The following TPX2 variants were observed in gnomAD, a reference collection of about 807,000 sequenced individuals.
The protein encoded by TPX2 is TPX2 microtubule nucleation factor, also known as targeting protein for Xklp2.
TPX2 carries 21 observed loss-of-function variants against 93.6 expected under a neutral mutation model. The ratio of observed to expected loss-of-function variants is 0.22; its 90% CI spans 0.16 to 0.32. The LOEUF is 0.32. Among genes scored for constraint, TPX2 ranks in the 10% least tolerant of loss-of-function variants. The probability of loss-of-function intolerance (pLI) is 1.00; values close to 1 mark genes in which losing one functional copy is unlikely to be tolerated. For missense variants in TPX2, 776 were observed against 871.1 expected (o/e 0.89, Z 1.37); for synonymous variants, 281 against 298.3 (o/e 0.94, Z 0.60).
At chr20:31,758,196 C>T (rs1218032478) in intron 3 of TPX2, among the ~76,000 whole-genome samples, 1 of 150,504 alleles carries the variant, frequency 6.6e-6, no homozygotes, top group African/African-American at 2.5e-5. Context: ...AATCTCAGCT[C>T]ACTGTAACCT....
intron 5 of TPX2, among the ~76,000 whole-genome samples, chr20:31,767,938 T>C (rs1406606798): frequency 1.3e-5 from 2 of 149,106 alleles, no homozygotes; most frequent in African/African-American, 4.9e-5. Context: ...ATTTCATCTT[T>C]TTTTTTTTTT....
rs1322289174 is a variant in TPX2, at chr20:31,801,036, A to G, written c.2200A>G (p.Thr734Ala). The G allele has an allele frequency of 3.1e-6, 5 of 1,614,084 alleles. No homozygotes were observed. Among genetic ancestry groups the G allele is most frequent in the East Asian group, 2.2e-5 (1 of 44,898 alleles). The change falls in exon 18 of 18, where the codon ACT (threonine) becomes GCT (alanine). Residue 734 changes from threonine (T) to alanine (A), a missense_variant. Around this residue, in one of 3 missense-constraint regions of TPX2, gnomAD observed 461 missense variants for 551.2 expected, o/e 0.84. Transcript: ENST00000300403. ...LEIKSSDQPL[T>A]VPVSPKFSTR... ...GATAAAGTCAAGTGACCAGCCTCTGACTGTGCCTGTATCTCCCAAATTCTC... is the reference window on the plus strand; with the variant it reads ...GATAAAGTCAAGTGACCAGCCTCTGGCTGTGCCTGTATCTCCCAAATTCTC...
chr20:31,780,891 T>G, intron 10 of TPX2: 1 of 382,724 alleles, frequency 2.6e-6, no homozygotes, highest in South Asian at 1.9e-5. Flanking sequence ...TTGGTCTTCT[T>G]TTGTTATTTA....
At chr20:31,786,326 TA>T (rs1052661524) in intron 12 of TPX2, among the ~76,000 whole-genome samples, 155 of 138,400 alleles carry the variant, frequency 1.1e-3, no homozygotes, top group Non-Finnish European at 1.1e-3. Flanking sequence ...TGTGCTTATT[TA>T]AAAAAAAAAA....
chr20:31,783,607 C>G, intron 11 of TPX2, 98 bp from the exon 12 acceptor site: 4 of 1,182,108 alleles, frequency 3.4e-6, no homozygotes, highest in Non-Finnish European at 4.8e-6. Context: ...GGAGCATAAT[C>G]TTAATGATTA....
chr20:31,775,723 G>A lies in TPX2; in HGVS notation c.609-144G>A, dbSNP rs949136285. 3.1e-5 allele frequency: 23 copies of A among 732,856 alleles called. 1 individual carries two copies. The African/African-American group carries it at 4.1e-4, about 13-fold the overall frequency. 45.4% of individuals were successfully genotyped at this position (732,856 alleles called of 1,614,324 possible). ...TTCATGGTGTTATCTAATTAAGTTA[G>A]CATCTATTTATTAGATGATATTTTT... is the stretch of plus-strand genomic sequence containing the variant. On this transcript the variant is annotated intron_variant, in intron 7 of 17. Coordinates refer to ENST00000300403, the MANE Select transcript of TPX2 (RefSeq NM_012112.5).
intron 2 of TPX2, among the ~76,000 whole-genome samples, chr20:31,750,415 A>G (rs1467244649): frequency 6.6e-6 from 1 of 151,940 alleles, no homozygotes. Context: ...TGGCCTCCCA[A>G]AGTGCTGGGA....
At chr20:31,754,898 G>GTA (rs1568922608) in intron 2 of TPX2, among the ~76,000 whole-genome samples, 2 of 152,034 alleles carry the variant, frequency 1.3e-5, no homozygotes, top group Admixed American at 1.3e-4. Flanking sequence ...ATAATAGTTT[G>GTA]TATATATATG....
intron 11 of TPX2, among the ~76,000 whole-genome samples, chr20:31,783,474 C>T (rs1020832128): frequency 2.0e-5 from 3 of 152,134 alleles, no homozygotes; most frequent in Non-Finnish European, 4.4e-5. Context: ...TGGTCTTGAA[C>T]TCCTGACCTC....
intron 2 of TPX2, among the ~76,000 whole-genome samples, chr20:31,746,527 T>A (rs1001553324): frequency 2.0e-5 from 3 of 152,028 alleles, no homozygotes; most frequent in Non-Finnish European, 4.4e-5. Context: ...CTGTTTATTC[T>A]ATTATATTAC....
chr20:31,793,933 CTG>C lies in TPX2; in HGVS notation c.1598_1599del (p.Val533GlyfsTer8). 6.2e-7 allele frequency: 1 copy of C among 1,613,944 alleles called. No individual in the cohort carries two copies. The highest frequency in any genetic ancestry group is 8.5e-7 in the Non-Finnish European group (1 of 1,179,938). The stretch of plus-strand genomic sequence containing the variant: ...AAGCCCCAAATCCCAGAGGCAAGAA[CTG>C]TGGAAATATGCCCTTTCTCGTTTGA... On this transcript the variant is annotated frameshift_variant, in exon 14 of 18. Transcript: ENST00000300403. LOFTEE classifies it high-confidence loss of function.
chr20:31,798,590 C>G (rs751671585), intron 17 of TPX2, 38 bp downstream of exon 17: 1 of 1,548,022 alleles, frequency 6.5e-7, no homozygotes, highest in Non-Finnish European at 8.7e-7. Context: ...CACAAACATG[C>G]CTCTGTTTTA....
At position 31,793,845 on chromosome 20, in the gene TPX2, T is replaced by C; in HGVS notation, c.1510-3T>C. 6.4e-7 allele frequency: 1 copy of C among 1,561,652 alleles called. No homozygotes were observed. The highest frequency in any genetic ancestry group is 1.2e-5 in the South Asian group (1 of 83,186). On this transcript the variant is annotated splice_polypyrimidine_tract_variant and splice_region_variant and intron_variant, in intron 13 of 17. Transcript: ENST00000300403. ...TATTTCTAAACTGCAATTTTTTCCC[T>C]AGGAAGAGGACGAACCGGTAGTGAT...
intron 4 of TPX2, among the ~76,000 whole-genome samples, chr20:31,761,521 G>C (rs1480448579): frequency 6.6e-6 from 1 of 152,126 alleles, no homozygotes; most frequent in East Asian, 1.9e-4. Flanking sequence ...TTCTATGCCT[G>C]ACTTACTTCA....
intron 6 of TPX2, 115 bp from the exon 7 acceptor site, chr20:31,771,445 G>A (rs1344716912): frequency 1.4e-5 from 19 of 1,325,610 alleles, no homozygotes; most frequent in Non-Finnish European, 7.1e-6. Context: ...GTCGAAGCAT[G>A]CTTGTTATCC....
At chr20:31,792,669 A>C in intron 12 of TPX2, 66 bp from the exon 13 acceptor site, 2 of 1,436,272 alleles carry the variant, frequency 1.4e-6, no homozygotes, top group Non-Finnish European at 2.0e-6. Flanking sequence ...AAAAGGATTT[A>C]ATCTTCTCAT....
At chr20:31,765,726 G>C (rs2061920989) in intron 4 of TPX2, among the ~76,000 whole-genome samples, 1 of 152,070 alleles carries the variant, frequency 6.6e-6, no homozygotes. Flanking sequence ...TCCCTTCTTG[G>C]TACTCTTTGG....
intron 12 of TPX2, among the ~76,000 whole-genome samples, chr20:31,790,308 T>C (rs1328584228): frequency 1.3e-5 from 2 of 152,222 alleles, no homozygotes; most frequent in African/African-American, 2.4e-5. Flanking sequence ...CTTGAGAGAC[T>C]GTAAATCCCT....
At chr20:31,751,962 C>G (rs1239118597) in intron 2 of TPX2, among the ~76,000 whole-genome samples, 1 of 152,066 alleles carries the variant, frequency 6.6e-6, no homozygotes, top group African/African-American at 2.4e-5. Flanking sequence ...AGGCTGGTCT[C>G]GAACTCCTGA....
Sources: gnomAD v4.1 joint callset for allele counts (sites outside exome capture counted in the v4.1 genomes callset) on GRCh38, gnomAD v4.1.1 for gene constraint, gnomAD v4.1.1 regional missense constraint, MANE v1.5 for transcripts, NCBI Gene and HGNC (gene_info 2026-07-23, HGNC 2026-07-21) for gene names.